Variants in MYO5C observed in about 807,000 individuals in gnomAD.
The protein encoded by MYO5C is myosin VC.
A neutral mutation model predicts 235.7 loss-of-function variants in MYO5C; 194 were observed. The observed-to-expected ratio is 0.82, with a 90% CI of 0.73 to 0.93. The LOEUF (loss-of-function observed/expected upper bound fraction) is 0.93. Among genes scored for constraint, MYO5C ranks in the 40% least tolerant of loss-of-function variants. MYO5C has a pLI of 0.00. For missense variants in MYO5C, 2,038 were observed against 2,127.2 expected (o/e 0.96, Z 0.82); for synonymous variants, 707 against 754.8 (o/e 0.94, Z 1.04).
At position 52,264,195 on chromosome 15, in the gene MYO5C, CTG is replaced by C; in HGVS notation, c.1040_1041del (p.Ser347CysfsTer2). The stretch of plus-strand genomic sequence containing the variant: ...AAAACAAATGAGCATCTCACACTAA[CTG>C]AGGACCTCTCGTTGCCCACCGCGGT... The part of the protein sequence containing the change: ...QITAVGNERS[S>X]VSEDDSHLKV... On this transcript the variant is annotated frameshift_variant, in exon 9 of 41. Coordinates refer to ENST00000261839, the MANE Select transcript of MYO5C (RefSeq NM_018728.4). LOFTEE classifies it high-confidence loss of function. 6.2e-7 allele frequency: 1 copy of C among 1,610,220 alleles called. No individual in the cohort carries two copies. The highest frequency in any genetic ancestry group is 1.1e-5 in the South Asian group (1 of 90,954).
At chr15:52,276,110 A>C (rs927888299) in intron 4 of MYO5C, among the ~76,000 whole-genome samples, 2 of 152,016 alleles carry the variant, frequency 1.3e-5, no homozygotes, top group Non-Finnish European at 1.5e-5. Context: ...CCCTCTTTCT[A>C]GATGGACCCT....
chr15:52,284,070 T>C (rs1379563266), intron 1 of MYO5C, among the ~76,000 whole-genome samples: 1 of 151,986 alleles, frequency 6.6e-6, no homozygotes, highest in Non-Finnish European at 1.5e-5. Context: ...GAACAATAAA[T>C]ATTAATCTTT....
At chr15:52,229,336 A>G in intron 24 of MYO5C, 23 bp from the exon 25 acceptor site, 1 of 1,501,618 alleles carries the variant, frequency 6.7e-7, no homozygotes, top group Non-Finnish European at 8.8e-7. Flanking sequence ...AGAAGAAAAT[A>G]ATTTAGAGCT....
rs188707521 is a variant in MYO5C at position 52,272,651 on chromosome 15, C to T, written c.679G>A (p.Asp227Asn). The change falls in exon 6 of 41, where the codon GAT (aspartate) becomes AAT (asparagine). Residue 227 changes from aspartate to asparagine, a missense_variant. Asp to Asn is a conservative substitution (Grantham distance 23, BLOSUM62 1). Transcript: ENST00000261839. ...RFGKYTEISF[D>N]EQNQIIGANM... ...GCTCCTATAATTTGATTTTGTTCAT[C>T]AAAACTGATTTCTGTGTATTTCCCA... 5.6e-5 allele frequency: 90 copies of T among 1,614,136 alleles called. No homozygotes were observed. Among genetic ancestry groups the T allele is most frequent in the Non-Finnish European group, 7.5e-5 (89 of 1,179,998 alleles).
At chr15:52,271,882 T>G (rs750224906) in intron 6 of MYO5C, 38 bp from the exon 7 acceptor site, 1 of 1,403,362 alleles carries the variant, frequency 7.1e-7, no homozygotes, top group African/African-American at 1.4e-5. Context: ...TTACACCAAA[T>G]CCTTACAAGC....
At chr15:52,255,134 T>A (rs2140812052) in intron 11 of MYO5C, among the ~76,000 whole-genome samples, 1 of 152,342 alleles carries the variant, frequency 6.6e-6, no homozygotes, top group Admixed American at 6.5e-5. Flanking sequence ...TTGTGGTACA[T>A]GTGATATTCT....
rs1409041724 is a variant in MYO5C at position 52,204,909 on chromosome 15, G to A, written c.4776C>T (p.Phe1592=). The A allele has an allele frequency of 1.9e-6, 3 of 1,614,250 alleles. No individual in the cohort carries two copies. The Admixed American group carries it at 5.0e-5, about 27-fold the overall frequency. ...LIGAVTLNSL[F]LRKDMCSCRK... is the part of the protein sequence containing the mutation. ...TGCAGGAGCACATGTCCTTGCGCAG[G>A]AAGAGGCTGTTCAGCGTGACCGCCC... is the stretch of plus-strand genomic sequence containing the variant. Residue 1592 remains phenylalanine (F), a synonymous_variant, in exon 38 of 41, where the codon TTC becomes TTT. Coordinates refer to ENST00000261839, the MANE Select transcript of MYO5C (RefSeq NM_018728.4).
At chr15:52,199,259 T>C (rs2035128879) in intron 38 of MYO5C, among the ~76,000 whole-genome samples, 1 of 152,174 alleles carries the variant, frequency 6.6e-6, no homozygotes, top group African/African-American at 2.4e-5. Context: ...ATTCACCCTA[T>C]TCAAATACTG....
rs199787582 is a variant in MYO5C, at chr15:52,282,783, G to A, written c.137C>T (p.Thr46Met). Residue 46 changes from threonine (T) to methionine (M), a missense_variant and splice_region_variant, in exon 2 of 41, where the codon ACG becomes ATG. Transcript: ENST00000261839. Reference sequence around the variant, plus strand: ...GCTGTGAACAGCAAGGACCCTCACCGTTCCATCCTCCAGCAGGAGTCGCAG... The same window carrying A: ...GCTGTGAACAGCAAGGACCCTCACCATTCCATCCTCCAGCAGGAGTCGCAG... ...KVLRLLLEDGTELDYSVNPES... is the reference protein window; with the variant it reads ...KVLRLLLEDGMELDYSVNPES... 117 of 1,601,040 alleles carry A rather than the reference G, an allele frequency of 7.3e-5. No individual in the cohort carries two copies. The highest frequency in any genetic ancestry group is 2.4e-4 in the South Asian group (22 of 90,800).
At chr15:52,244,680 C>T in intron 18 of MYO5C, 113 bp from the exon 19 acceptor site, 1 of 714,060 alleles carries the variant, frequency 1.4e-6, no homozygotes. Flanking sequence ...GTGATTTTGA[C>T]ATTTAAGGCA....
chr15:52,245,538 A>G lies in MYO5C; in HGVS notation c.2067-73T>C, dbSNP rs531207963. The G allele has an allele frequency of 4.8e-5, 47 of 983,578 alleles. No individual in the cohort carries two copies. In the African/African-American group the frequency reaches 6.9e-4, roughly 14 times the overall value. 60.9% of individuals were successfully genotyped at this position (983,578 alleles called of 1,614,324 possible). ...TTGTGTCTGGGGACTCCGCTGCCTTACCTGCCACTGTTGTCATAGGGCGGG... is the reference window on the plus strand; with the variant it reads ...TTGTGTCTGGGGACTCCGCTGCCTTGCCTGCCACTGTTGTCATAGGGCGGG... On this transcript the variant is annotated intron_variant, in intron 17 of 40. Transcript: ENST00000261839.
At chr15:52,282,693 T>G in intron 2 of MYO5C, 89 bp downstream of exon 2, 2 of 926,500 alleles carry the variant, frequency 2.2e-6, no homozygotes, top group Non-Finnish European at 1.8e-6. Flanking sequence ...CCTGGGTGCC[T>G]CCCACGGGGT....
chr15:52,208,824 A>G (rs1180976643), intron 35 of MYO5C, among the ~76,000 whole-genome samples, 181 bp from the exon 36 acceptor site: 1 of 152,192 alleles, frequency 6.6e-6, no homozygotes, highest in African/African-American at 2.4e-5. Flanking sequence ...CACAGTTTGT[A>G]ACATGTTTCT....
intron 40 of MYO5C, among the ~76,000 whole-genome samples, chr15:52,194,283 T>C (rs1167225475): frequency 2.0e-5 from 3 of 152,224 alleles, no homozygotes; most frequent in Non-Finnish European, 4.4e-5. Context: ...CTTCAGAAGT[T>C]AATTTCCCAT....
chr15:52,284,111 C>T (rs769818248), intron 1 of MYO5C, among the ~76,000 whole-genome samples: 1 of 152,006 alleles, frequency 6.6e-6, no homozygotes. Context: ...AAGCCCCCCC[C>T]TCAAAGAATG....
intron 40 of MYO5C, among the ~76,000 whole-genome samples, chr15:52,194,757 T>G (rs1266242785): frequency 1.3e-5 from 2 of 151,324 alleles, no homozygotes; most frequent in African/African-American, 2.4e-5. Context: ...TATGCTATAT[T>G]ATCATATATA....
At chr15:52,222,407 G>A (rs1158514427) in intron 29 of MYO5C, among the ~76,000 whole-genome samples, 3 of 152,176 alleles carry the variant, frequency 2.0e-5, no homozygotes, top group South Asian at 4.1e-4. Context: ...AGGGAGAGGA[G>A]GGGGTAGTAA....
At chr15:52,274,079 C>G (rs2036984957) in intron 5 of MYO5C, among the ~76,000 whole-genome samples, 1 of 152,158 alleles carries the variant, frequency 6.6e-6, no homozygotes, top group Non-Finnish European at 1.5e-5. Flanking sequence ...CCTGAGCACC[C>G]TGTTTCTAGA....
intron 36 of MYO5C, among the ~76,000 whole-genome samples, chr15:52,208,256 C>T (rs952751440): frequency 6.6e-6 from 1 of 152,178 alleles, no homozygotes; most frequent in Non-Finnish European, 1.5e-5. Flanking sequence ...GCATTTTAAA[C>T]CAAAGCCTGT....
Sources: allele counts gnomAD v4.1 joint callset (sites outside exome capture counted in the v4.1 genomes callset), GRCh38; gene constraint gnomAD v4.1.1; transcripts MANE v1.5; gene names NCBI Gene and HGNC (gene_info 2026-07-23, HGNC 2026-07-21).